GALNT10: variants seen among roughly 807,000 people sequenced by gnomAD.
GALNT10 encodes polypeptide N-acetylgalactosaminyltransferase 10.
GALNT10 carries 41 observed loss-of-function variants against 75.0 expected under a neutral mutation model. The ratio of observed to expected loss-of-function variants is 0.55; its 90% confidence interval spans 0.43 to 0.71. The LOEUF is 0.71. Ranked by LOEUF, GALNT10 falls within the 30% of genes least tolerant of loss-of-function variation. The pLI, the probability that GALNT10 is intolerant of heterozygous loss-of-function variation, is 0.00. For missense variants in GALNT10, 727 were observed against 818.5 expected (o/e 0.89, Z 1.36); for synonymous variants, 302 against 313.0 (o/e 0.96, Z 0.37).
At position 154,380,516 on chromosome 5, in the gene GALNT10, C is replaced by A. The variant is rs1182774029; in HGVS notation, c.823C>A (p.Arg275=). 1 of 1,614,028 alleles carries A rather than the reference C, an allele frequency of 6.2e-7. No homozygotes were observed. ...TGATGTAATTGACCATGACGACTTT[C>A]GGTACGAGACACAGGCAGGGGATGC... ...MIDVIDHDDF[R]YETQAGDAMR... The change falls in exon 6 of 12, where the codon CGG becomes AGG. Residue 275 remains arginine, a synonymous_variant. Transcript: ENST00000297107.
intron 4 of GALNT10, among the ~76,000 whole-genome samples, chr5:154,375,469 C>A (rs553156757): frequency 6.6e-6 from 1 of 152,220 alleles, no homozygotes; most frequent in Non-Finnish European, 1.5e-5. Flanking sequence ...AGACTTGGGG[C>A]AGAAATCCAG....
At chr5:154,212,723 C>T (rs912721243) in intron 1 of GALNT10, among the ~76,000 whole-genome samples, 6 of 152,144 alleles carry the variant, frequency 3.9e-5, no homozygotes, top group African/African-American at 1.4e-4. Flanking sequence ...AATCCCAGCA[C>T]TTTGGGAGGC....
At chr5:154,273,370 G>A (rs73281459) in intron 1 of GALNT10, among the ~76,000 whole-genome samples, 27,406 of 152,118 alleles carry the variant, frequency 0.18, 2,644 homozygotes, top group African/African-American at 0.22. Context: ...TGAAAAAGAC[G>A]TGTAAGCTTC....
chr5:154,360,465 A>T (rs928488021), intron 4 of GALNT10, among the ~76,000 whole-genome samples: 15 of 150,926 alleles, frequency 9.9e-5, no homozygotes, highest in African/African-American at 3.2e-4. Context: ...AAAAAAAAAA[A>T]ACAAAACAAA....
At chr5:154,260,222 C>A (rs186571618) in intron 1 of GALNT10, among the ~76,000 whole-genome samples, 3 of 152,160 alleles carry the variant, frequency 2.0e-5, no homozygotes, top group African/African-American at 7.2e-5. Context: ...CCACCTCCCC[C>A]CAACCCTCCC....
At chr5:154,248,784 C>G (rs1050035667) in intron 1 of GALNT10, among the ~76,000 whole-genome samples, 2 of 152,102 alleles carry the variant, frequency 1.3e-5, no homozygotes, top group African/African-American at 2.4e-5. Context: ...TTAACTGCTG[C>G]GCCTCACCAT....
At position 154,232,640 on chromosome 5, in the gene GALNT10, A is replaced by G. The variant is rs1753166268; in HGVS notation, c.159+41615A>G. On this transcript the variant is annotated intron_variant, in intron 1 of 11. Transcript: ENST00000297107. ...AGGTTGTGATCCAAAGCCAGGAAGA[A>G]GCCTGGGGAAGAATGTCCAGCCAGC... Among the ~76,000 whole-genome samples, 5 of 152,208 alleles carry G rather than the reference A, an allele frequency of 3.3e-5. No individual in the cohort carries two copies. In the South Asian group the frequency reaches 1.0e-3, roughly 31 times the overall value.
At chr5:154,382,260 A>G (rs1217828445) in intron 6 of GALNT10, among the ~76,000 whole-genome samples, 1 of 152,258 alleles carries the variant, frequency 6.6e-6, no homozygotes, top group Non-Finnish European at 1.5e-5. Context: ...ACAATGGACC[A>G]GCCTGAGCCA....
At chr5:154,303,613 G>C (rs916196253) in intron 3 of GALNT10, among the ~76,000 whole-genome samples, 1 of 152,162 alleles carries the variant, frequency 6.6e-6, no homozygotes, top group Non-Finnish European at 1.5e-5. Flanking sequence ...GAATCAGGTA[G>C]AGTACTTAGA....
chr5:154,409,300 G>T lies in GALNT10; in HGVS notation c.1165-241G>T. ...GGGGGCTATCGCTAGAAGAAGATGGGATGGAAGATGGGCAGGCAAAACAAC... is the reference window on the plus strand; with the variant it reads ...GGGGGCTATCGCTAGAAGAAGATGGTATGGAAGATGGGCAGGCAAAACAAC... On this transcript the variant is annotated intron_variant, in intron 8 of 11. Transcript: ENST00000297107. The surrounding 1 kb of genome is among the most constrained non-coding windows in gnomAD (Gnocchi z 4.5). 1.8e-6 allele frequency: 1 copy of T among 558,836 alleles called. No homozygotes were observed. The highest frequency in any genetic ancestry group is 3.1e-5 in the East Asian group (1 of 32,014). 34.6% of individuals were successfully genotyped at this position (558,836 alleles called of 1,614,324 possible).
chr5:154,359,883 G>C (rs930368542), intron 4 of GALNT10, among the ~76,000 whole-genome samples: 2 of 151,724 alleles, frequency 1.3e-5, no homozygotes, highest in Non-Finnish European at 2.9e-5. Context: ...GAACTGCTTG[G>C]TGGTGGGACT....
At chr5:154,370,005 T>C (rs898768524) in intron 4 of GALNT10, among the ~76,000 whole-genome samples, 1 of 152,262 alleles carries the variant, frequency 6.6e-6, no homozygotes, top group Non-Finnish European at 1.5e-5. Context: ...CATCAGAGAT[T>C]GAAACTCTGA....
chr5:154,209,133 C>T, intron 1 of GALNT10, among the ~76,000 whole-genome samples: 1 of 152,222 alleles, frequency 6.6e-6, no homozygotes, highest in Non-Finnish European at 1.5e-5. Context: ...TTGCTGCACA[C>T]CGCAGGAGCT....
At chr5:154,383,931 C>T (rs908531995) in intron 6 of GALNT10, among the ~76,000 whole-genome samples, 3 of 152,224 alleles carry the variant, frequency 2.0e-5, no homozygotes, top group Non-Finnish European at 4.4e-5. Context: ...GTTCAACTGA[C>T]TCACAGTTCC....
intron 1 of GALNT10, among the ~76,000 whole-genome samples, chr5:154,229,045 T>C (rs1156937640): frequency 6.6e-6 from 1 of 152,240 alleles, no homozygotes. Context: ...GGTTGGGTCT[T>C]GGTCTTTTTA....
intron 4 of GALNT10, among the ~76,000 whole-genome samples, chr5:154,355,077 C>T (rs570466447): frequency 2.0e-5 from 3 of 152,264 alleles, no homozygotes; most frequent in South Asian, 4.1e-4. Context: ...TGAAATGTAT[C>T]GCACACACTC....
chr5:154,412,526 C>T lies in GALNT10; in HGVS notation c.1387-363C>T, dbSNP rs1756420023. 3 of 276,068 alleles carry T rather than the reference C, an allele frequency of 1.1e-5. No homozygotes were observed. The highest frequency in any genetic ancestry group is 2.5e-3 in the Middle Eastern group (2 of 794). The allele number at this position is 276,068 out of a possible 1,614,324, so 17.1% of individuals were successfully genotyped here. On this transcript the variant is annotated intron_variant, in intron 9 of 11. Coordinates refer to ENST00000297107, the MANE Select transcript of GALNT10 (RefSeq NM_198321.4). The surrounding 1 kb of genome is among the most constrained non-coding windows in gnomAD (Gnocchi z 4.2). Reference sequence around the variant, plus strand: ...AGGTATGGTCCCTGGACCACCTGCACCTGAGTCACCTGGAATGGGGGTAAA... The same window carrying T: ...AGGTATGGTCCCTGGACCACCTGCATCTGAGTCACCTGGAATGGGGGTAAA...
At chr5:154,394,358 T>C (rs1052609690) in intron 7 of GALNT10, among the ~76,000 whole-genome samples, 21 of 129,878 alleles carry the variant, frequency 1.6e-4, no homozygotes, top group African/African-American at 6.3e-4. Context: ...TTTTTTCCCA[T>C]AAAACTCAGT....
chr5:154,307,685 CT>C (rs1396389705), intron 3 of GALNT10, among the ~76,000 whole-genome samples: 1 of 150,994 alleles, frequency 6.6e-6, no homozygotes, highest in Non-Finnish European at 1.5e-5. Context: ...GGACGGGGTA[CT>C]TTCCAACTCA....
Sources: allele counts gnomAD v4.1 joint callset (sites outside exome capture counted in the v4.1 genomes callset), GRCh38; gene constraint gnomAD v4.1.1; non-coding constraint Gnocchi (gnomAD v3.1); transcripts MANE v1.5; gene names NCBI Gene and HGNC (gene_info 2026-07-23, HGNC 2026-07-21).